Variants in MKKS observed in about 807,000 individuals in gnomAD.
The protein encoded by MKKS is MKKS centrosomal shuttling protein.
MKKS carries 29 observed loss-of-function variants against 33.2 expected under a neutral mutation model. The ratio of observed to expected loss-of-function variants is 0.87; its 90% CI spans 0.65 to 1.19. The LOEUF (loss-of-function observed/expected upper bound fraction) is 1.19. Ranked by LOEUF, MKKS falls within the 50% of genes most tolerant of loss-of-function variation. The pLI is 0.00. For missense variants in MKKS, 661 were observed against 662.3 expected (o/e 1.00, Z 0.02); for synonymous variants, 260 against 244.0 (o/e 1.07, Z -0.61).
chr20:10,423,071 C>A (rs1449064468), intron 1 of MKKS, among the ~76,000 whole-genome samples: 2 of 151,966 alleles, frequency 1.3e-5, no homozygotes, highest in African/African-American at 4.8e-5. Flanking sequence ...TCTCCATGAT[C>A]ATTAACATAA....
rs1463640352 is a variant in MKKS, at chr20:10,405,109, TG to T, written c.*137del. The T allele has an allele frequency of 9.6e-6, 6 of 626,624 alleles. No individual in the cohort carries two copies. The highest frequency in any genetic ancestry group is 8.0e-6 in the Non-Finnish European group (3 of 376,160). The allele number at this position is 626,624 out of a possible 1,614,324, so 38.8% of individuals were successfully genotyped here. On this transcript the variant is annotated 3_prime_UTR_variant, in exon 6 of 6. Coordinates refer to ENST00000347364, the MANE Select transcript of MKKS (RefSeq NM_170784.3). ...CGAATCACCTTTTTTCCTAAATAAG[TG>T]TATCTATAATTTTATGAGTCATTTG...
At chr20:10,416,724 T>C (rs1210580097) in intron 2 of MKKS, among the ~76,000 whole-genome samples, 2 of 152,200 alleles carry the variant, frequency 1.3e-5, no homozygotes, top group Non-Finnish European at 2.9e-5. Context: ...AATGATAGAA[T>C]TTGAGCAGCA....
In MKKS at chr20:10,405,330, C is replaced by A. The variant is rs1158712960; in HGVS notation, c.1630G>T (p.Ala544Ser). 2.5e-6 allele frequency: 4 copies of A among 1,614,090 alleles called. No homozygotes were observed. The highest frequency in any genetic ancestry group is 3.4e-6 in the Non-Finnish European group (4 of 1,179,954). Residue 544 changes from alanine to serine, a missense_variant, in exon 6 of 6, where the codon GCA becomes TCA. Physicochemically the swap from Ala to Ser is moderately conservative, Grantham distance 99. Coordinates refer to ENST00000347364, the MANE Select transcript of MKKS (RefSeq NM_170784.3). ...ASNLTLDCLT[A>S]KLSGLQVAVE... ...GCCACCTGTAGGCCACTAAGCTTTGCAGTCAAACAGTCCAAGGTCAGGTTG... is the reference window on the plus strand; with the variant it reads ...GCCACCTGTAGGCCACTAAGCTTTGAAGTCAAACAGTCCAAGGTCAGGTTG...
At chr20:10,410,993 G>GTTTT (rs531825364) in intron 3 of MKKS, among the ~76,000 whole-genome samples, 1 of 148,736 alleles carries the variant, frequency 6.7e-6, no homozygotes, top group African/African-American at 2.5e-5. Flanking sequence ...GAAAATGTTT[G>GTTTT]GTTTTTTTTT....
intron 5 of MKKS, among the ~76,000 whole-genome samples, chr20:10,406,489 C>T (rs2064845136): frequency 6.6e-6 from 1 of 152,140 alleles, no homozygotes; most frequent in Non-Finnish European, 1.5e-5. Flanking sequence ...GGGTTTGTAG[C>T]CTAGGAGCAA....
At position 10,403,106 on chromosome 20, in the gene MKKS, A is replaced by G. The variant is rs2064819080; in HGVS notation, c.*2141T>C. ...ACTCTTGTGGTTATTGGTACGATTCAGTTCCTTTTGAGCTGTTGGCTAGAA... is the reference window on the plus strand; with the variant it reads ...ACTCTTGTGGTTATTGGTACGATTCGGTTCCTTTTGAGCTGTTGGCTAGAA... On this transcript the variant is annotated 3_prime_UTR_variant, in exon 6 of 6. Transcript: ENST00000347364. The G allele has an allele frequency of 6.6e-6, 1 of 152,176 alleles. No individual in the cohort carries two copies. Among genetic ancestry groups the G allele is most frequent in the African/African-American group, 2.4e-5 (1 of 41,432 alleles). 9.4% of individuals were successfully genotyped at this position (152,176 alleles called of 1,614,324 possible). A position where few individuals can be genotyped will look rare whatever the true frequency, so the allele number is the denominator to read the frequency against.
intron 5 of MKKS, 53 bp from the exon 6 acceptor site, chr20:10,405,740 G>A: frequency 6.9e-7 from 1 of 1,439,232 alleles, no homozygotes. Context: ...AATATAAAAT[G>A]TTTCAGAAAA....
chr20:10,428,664 C>A (rs2065033002), intron 1 of MKKS, among the ~76,000 whole-genome samples: 1 of 152,102 alleles, frequency 6.6e-6, no homozygotes, highest in South Asian at 2.1e-4. Flanking sequence ...GATGGTGAAA[C>A]CCCATTTCTA....
At chr20:10,428,413 C>G (rs1954899021) in intron 1 of MKKS, among the ~76,000 whole-genome samples, 1 of 152,214 alleles carries the variant, frequency 6.6e-6, no homozygotes, top group Non-Finnish European at 1.5e-5. Flanking sequence ...TACCCTTCAT[C>G]ATTTTCAAGA....
Position 10,404,780 on chromosome 20 carries a change from A to C in MKKS, c.*467T>G, listed in dbSNP as rs2064829236. ...CATGGAGAAAAGTGAAATTTTACTA[A>C]ATGTGCAGTTTGAATACTTCTTTTG... On this transcript the variant is annotated 3_prime_UTR_variant, in exon 6 of 6. Coordinates refer to ENST00000347364, the MANE Select transcript of MKKS (RefSeq NM_170784.3). 6.6e-6 allele frequency: 1 copy of C among 152,634 alleles called. No homozygotes were observed. 9.5% of individuals were successfully genotyped at this position (152,634 alleles called of 1,614,324 possible).
At chr20:10,407,528 C>T in intron 5 of MKKS, 88 bp downstream of exon 5, 2 of 1,105,468 alleles carry the variant, frequency 1.8e-6, no homozygotes, top group South Asian at 1.3e-5. Flanking sequence ...AACAAAAAGA[C>T]TATAGGATAT....
chr20:10,432,286 C>T (rs2065058886), intron 1 of MKKS, among the ~76,000 whole-genome samples: 1 of 152,238 alleles, frequency 6.6e-6, no homozygotes, highest in South Asian at 2.1e-4. Context: ...AATCCTGCTT[C>T]CTTTCTTCCT....
intron 2 of MKKS, among the ~76,000 whole-genome samples, chr20:10,419,593 C>T (rs2064965374): frequency 6.6e-6 from 1 of 152,136 alleles, no homozygotes; most frequent in Non-Finnish European, 1.5e-5. Context: ...ACATACATAC[C>T]TATGATAAAG....
chr20:10,431,759 GCCACTTGTCTTCTC>G (rs2065054916), intron 1 of MKKS: 1 of 152,162 alleles, frequency 6.6e-6, no homozygotes, highest in African/African-American at 2.4e-5. Flanking sequence ...GAAGGTAGCA[GCCACTTGTCTTCTC>G]TGCTATATTC....
chr20:10,412,065 G>A (rs2064892393), intron 3 of MKKS, among the ~76,000 whole-genome samples: 1 of 152,166 alleles, frequency 6.6e-6, no homozygotes, highest in South Asian at 2.1e-4. Context: ...ATAGGTGCAT[G>A]TACATCCCCC....
chr20:10,423,451 G>A (rs967955787), intron 1 of MKKS, among the ~76,000 whole-genome samples: 1 of 152,046 alleles, frequency 6.6e-6, no homozygotes, highest in Admixed American at 6.6e-5. Context: ...AAAAGAGACT[G>A]GATAGGATAA....
At position 10,412,964 on chromosome 20, in the gene MKKS, A is replaced by G; in HGVS notation, c.551T>C (p.Leu184Pro). The change falls in exon 3 of 6, where the codon CTT becomes CCT. Residue 184 changes from leucine (L) to proline (P), a missense_variant. Transcript: ENST00000347364. The stretch of plus-strand genomic sequence containing the variant: ...GCCTTCAGCATTTTCTGGAATTGTA[A>G]GCAAAAAGGCTCTCAGGATCAAAGC... Reference protein sequence around the residue: ...VSALILRAFLLTIPENAEGHI... With the variant: ...VSALILRAFLPTIPENAEGHI... 1 of 1,613,930 alleles carries G rather than the reference A, an allele frequency of 6.2e-7. No homozygotes were observed. The highest frequency in any genetic ancestry group is 1.7e-5 in the Admixed American group (1 of 59,986).
intron 1 of MKKS, among the ~76,000 whole-genome samples, chr20:10,425,053 CAAAAA>C (rs372986156): frequency 8.2e-6 from 1 of 122,320 alleles, no homozygotes; most frequent in Non-Finnish European, 1.8e-5. Flanking sequence ...AACTCCGTCT[CAAAAA>C]AAAAAAAAGA....
At chr20:10,426,321 C>T (rs1212760610) in intron 1 of MKKS, among the ~76,000 whole-genome samples, 1 of 152,144 alleles carries the variant, frequency 6.6e-6, no homozygotes, top group Non-Finnish European at 1.5e-5. Flanking sequence ...TGTGTGATCA[C>T]GGATGAGGGG....
Sources: allele counts gnomAD v4.1 joint callset (sites outside exome capture counted in the v4.1 genomes callset), GRCh38; gene constraint gnomAD v4.1.1; transcripts MANE v1.5; gene names NCBI Gene and HGNC (gene_info 2026-07-23, HGNC 2026-07-21).